KAZN: variants seen among roughly 807,000 people sequenced by gnomAD.
The protein encoded by KAZN is kazrin, periplakin interacting protein.
KAZN carries 40 observed loss-of-function variants against 87.4 expected under a neutral mutation model. That is an observed-to-expected ratio of 0.46 (90% confidence interval 0.36 to 0.60). KAZN has a LOEUF of 0.60. KAZN is among the 20% of genes least tolerant of loss of function. The probability of loss-of-function intolerance (pLI) is 0.00; values close to 1 mark genes in which losing one functional copy is unlikely to be tolerated. For missense variants in KAZN, 898 were observed against 1,073.9 expected (o/e 0.84, Z 2.29); for synonymous variants, 466 against 458.3 (o/e 1.02, Z -0.22).
intron 2 of KAZN, among the ~76,000 whole-genome samples, chr1:14,253,481 C>T (rs150189211): frequency 1.4e-4 from 21 of 152,188 alleles, no homozygotes; most frequent in African/African-American, 4.3e-4. Flanking sequence ...ATATAATTGT[C>T]CATAGGACTA....
At chr1:14,548,035 T>TA (rs35205953) in intron 2 of KAZN, among the ~76,000 whole-genome samples, 29,030 of 124,176 alleles carry the variant, frequency 0.23, 3,205 homozygotes, top group Non-Finnish European at 0.27. Context: ...GGTGATGAGC[T>TA]AAAAAAAAAA....
chr1:14,748,215 C>A (rs891842679), intron 1 of KAZN, among the ~76,000 whole-genome samples: 1 of 152,144 alleles, frequency 6.6e-6, no homozygotes, highest in African/African-American at 2.4e-5. Flanking sequence ...CCAGAAAAAA[C>A]ATCTTTTAAT....
intron 1 of KAZN, among the ~76,000 whole-genome samples, chr1:14,137,134 A>G (rs1645124897): frequency 6.6e-6 from 1 of 152,174 alleles, no homozygotes; most frequent in African/African-American, 2.4e-5. Flanking sequence ...AAACGCTTTC[A>G]TTAAGGAACC....
chr1:14,539,529 C>T (rs1003366638), intron 2 of KAZN, among the ~76,000 whole-genome samples: 11 of 152,136 alleles, frequency 7.2e-5, no homozygotes, highest in Non-Finnish European at 1.3e-4. Context: ...TGGAATTCTG[C>T]GTCCTCTCTC....
chr1:14,681,760 T>TCCGCCTC (rs1229326634), intron 1 of KAZN, among the ~76,000 whole-genome samples: 1 of 132,818 alleles, frequency 7.5e-6, no homozygotes, highest in Non-Finnish European at 1.6e-5. Flanking sequence ...CACTGCAAGC[T>TCCGCCTC]CCGCCTCCCG....
chr1:14,514,781 C>T (rs929464419), intron 2 of KAZN, among the ~76,000 whole-genome samples: 1 of 151,250 alleles, frequency 6.6e-6, no homozygotes, highest in African/African-American at 2.4e-5. Context: ...ACTTCCTGAG[C>T]CCCCTTCCTG....
intron 1 of KAZN, among the ~76,000 whole-genome samples, chr1:13,987,470 T>C (rs1417148397): frequency 6.6e-6 from 1 of 152,210 alleles, no homozygotes. Context: ...GTAATCTAGA[T>C]TGCAATGTCA....
chr1:14,045,081 G>T (rs1169071502), intron 1 of KAZN, among the ~76,000 whole-genome samples: 1 of 152,234 alleles, frequency 6.6e-6, no homozygotes, highest in African/African-American at 2.4e-5. Flanking sequence ...CAGTTACACA[G>T]ATGCCAAAGC....
At chr1:14,883,162 G>A (rs994523837) in intron 1 of KAZN, among the ~76,000 whole-genome samples, 2 of 151,640 alleles carry the variant, frequency 1.3e-5, no homozygotes, top group African/African-American at 4.8e-5. Flanking sequence ...GGGCGTGATG[G>A]CACATGCCTG....
At chr1:14,345,169 C>T (rs1571349712) in intron 2 of KAZN, among the ~76,000 whole-genome samples, 1 of 152,256 alleles carries the variant, frequency 6.6e-6, no homozygotes, top group South Asian at 2.1e-4. Context: ...CTGCCTGCCT[C>T]AGCCTCCCAA....
chr1:14,371,849 C>A (rs942982650), intron 2 of KAZN, among the ~76,000 whole-genome samples: 3 of 152,168 alleles, frequency 2.0e-5, no homozygotes, highest in Non-Finnish European at 2.9e-5. Context: ...ATGCACTCCT[C>A]ATGAAAGATG....
At chr1:14,288,171 T>TA (rs1653402774) in intron 2 of KAZN, among the ~76,000 whole-genome samples, 1 of 152,202 alleles carries the variant, frequency 6.6e-6, no homozygotes, top group South Asian at 2.1e-4. Flanking sequence ...CAGGCTTTGA[T>TA]ATCAGGATGA....
At chr1:14,962,776 CT>C (rs1013050503) in intron 2 of KAZN, among the ~76,000 whole-genome samples, 2 of 152,112 alleles carry the variant, frequency 1.3e-5, no homozygotes, top group Non-Finnish European at 2.9e-5. Context: ...ATTCTCACCC[CT>C]ATGTGCTCTT....
chr1:14,475,705 G>T (rs752618903), intron 2 of KAZN, among the ~76,000 whole-genome samples: 1 of 152,180 alleles, frequency 6.6e-6, no homozygotes, highest in Non-Finnish European at 1.5e-5. Context: ...TATAGGGAGG[G>T]CTCTTGTGAG....
chr1:14,781,065 G>A (rs1489975941), intron 1 of KAZN, among the ~76,000 whole-genome samples: 1 of 152,172 alleles, frequency 6.6e-6, no homozygotes, highest in Non-Finnish European at 1.5e-5. Context: ...GATCACACCT[G>A]TAATCCCAGC....
intron 1 of KAZN, among the ~76,000 whole-genome samples, chr1:14,003,927 G>A (rs1639925011): frequency 2.0e-5 from 3 of 152,032 alleles, no homozygotes; most frequent in African/African-American, 7.2e-5. Flanking sequence ...ACTATTAAGG[G>A]AGTTAAAAGG....
intron 1 of KAZN, among the ~76,000 whole-genome samples, chr1:14,905,103 G>A (rs1482165567): frequency 1.3e-5 from 2 of 152,178 alleles, no homozygotes; most frequent in African/African-American, 4.8e-5. Context: ...CCTTCGCCCA[G>A]GCTGGAGTGC....
chr1:14,867,359 A>G (rs2690018), intron 1 of KAZN, among the ~76,000 whole-genome samples: 99,209 of 152,010 alleles, frequency 0.65, 33,637 homozygotes, highest in East Asian at 0.96. Flanking sequence ...ACTGCACTAG[A>G]CTTAGACCAG....
At chr1:14,408,598 C>CAAAG (rs1664057296) in intron 2 of KAZN, among the ~76,000 whole-genome samples, 1 of 152,186 alleles carries the variant, frequency 6.6e-6, no homozygotes, top group African/African-American at 2.4e-5. Context: ...CCTCATACAA[C>CAAAG]AAAGAGAACG....
Sources: allele counts gnomAD v4.1 joint callset (sites outside exome capture counted in the v4.1 genomes callset), GRCh38; gene constraint gnomAD v4.1.1; transcripts MANE v1.5; gene names NCBI Gene and HGNC (gene_info 2026-07-23, HGNC 2026-07-21).